The following KMO variants were observed in gnomAD, a reference collection of about 807,000 sequenced individuals.
KMO encodes the protein kynurenine 3-hydroxylase.
A neutral mutation model predicts 57.8 loss-of-function variants in KMO; 24 were observed. That is an observed-to-expected ratio of 0.42 (90% CI 0.30 to 0.58). KMO has a LOEUF of 0.58. Ranked by LOEUF, KMO falls within the 20% of genes least tolerant of loss-of-function variation. The probability of loss-of-function intolerance (pLI) is 0.22; values close to 1 mark genes in which losing one functional copy is unlikely to be tolerated. For missense variants in KMO, 483 were observed against 588.2 expected (o/e 0.82, Z 1.85); for synonymous variants, 210 against 193.6 (o/e 1.08, Z -0.70).
intron 3 of KMO, among the ~76,000 whole-genome samples, chr1:241,550,718 T>C (rs1010933464): frequency 6.6e-6 from 1 of 152,128 alleles, no homozygotes; most frequent in Non-Finnish European, 1.5e-5. Context: ...GATATTCGAT[T>C]TAGATCAGAT....
intron 10 of KMO, among the ~76,000 whole-genome samples, chr1:241,572,069 G>T (rs1424399083): frequency 6.6e-6 from 1 of 151,844 alleles, no homozygotes; most frequent in Admixed American, 6.6e-5. Context: ...GTTTCACCAT[G>T]TTGGCCAGGA....
chr1:241,549,237 GA>G (rs1661285348), intron 2 of KMO, among the ~76,000 whole-genome samples: 1 of 15,326 alleles, frequency 6.5e-5, no homozygotes, highest in African/African-American at 1.1e-4. Context: ...AAGAAAGAAA[GA>G]AAGAAAGAAA....
Position 241,562,346 on chromosome 1 carries a change from C to CT in KMO, c.615+19dup. ...AAGAACGGAGATGTAAGTCCTTGCC[C>CT]TTTTTCAACCCCTTCCCACAACCCT... On this transcript the variant is annotated intron_variant, in intron 7 of 14. Transcript: ENST00000366559. 1.9e-6 allele frequency: 3 copies of CT among 1,612,966 alleles called. No individual in the cohort carries two copies. The South Asian group carries it at 3.3e-5, about 18-fold the overall frequency.
In KMO at chr1:241,594,971, C is replaced by G; in HGVS notation, c.*2818C>G. ...CACACACTTTCTATGAGGGCAGGTA[C>G]AACTATTAAGAGATTTTGAACATTA... is the stretch of plus-strand genomic sequence containing the variant. On this transcript the variant is annotated 3_prime_UTR_variant, in exon 15 of 15. Transcript: ENST00000366559. 3.0e-6 allele frequency: 1 copy of G among 330,196 alleles called. No individual in the cohort carries two copies. The highest frequency in any genetic ancestry group is 5.7e-5 in the East Asian group (1 of 17,478). 20.5% of individuals were successfully genotyped at this position (330,196 alleles called of 1,614,324 possible).
intron 1 of KMO, among the ~76,000 whole-genome samples, chr1:241,541,460 T>C (rs1003298096): frequency 6.6e-6 from 1 of 152,178 alleles, no homozygotes; most frequent in Admixed American, 6.6e-5. Context: ...TTTAGCTATG[T>C]TGAGAGGGAG....
At chr1:241,547,657 C>G (rs1661199673) in intron 1 of KMO, among the ~76,000 whole-genome samples, 1 of 151,736 alleles carries the variant, frequency 6.6e-6, no homozygotes, top group Non-Finnish European at 1.5e-5. Context: ...TCCTCTCCAA[C>G]TTACCAGCTC....
chr1:241,555,758 T>G, intron 5 of KMO, 98 bp downstream of exon 5: 2 of 753,016 alleles, frequency 2.7e-6, no homozygotes, highest in South Asian at 3.2e-5. Context: ...TGCTCCTTTT[T>G]ATGGGTTATG....
At chr1:241,544,505 T>C (rs1417004109) in intron 1 of KMO, among the ~76,000 whole-genome samples, 3 of 152,260 alleles carry the variant, frequency 2.0e-5, no homozygotes, top group East Asian at 3.9e-4. Flanking sequence ...CAGGCCCTTC[T>C]AGATTTAAGA....
intron 4 of KMO, among the ~76,000 whole-genome samples, chr1:241,553,496 G>A (rs2147952633): frequency 6.6e-6 from 1 of 152,274 alleles, no homozygotes; most frequent in South Asian, 2.1e-4. Context: ...AAACCAGCCT[G>A]GGCAACATGG....
At chr1:241,554,281 T>TCCTC (rs1661524148) in intron 4 of KMO, among the ~76,000 whole-genome samples, 1 of 145,012 alleles carries the variant, frequency 6.9e-6, no homozygotes, top group Non-Finnish European at 1.5e-5. Context: ...CTTCCTTCCT[T>TCCTC]CCTCCCTTCT....
intron 1 of KMO, chr1:241,536,587 C>T (rs1660761803): frequency 1.1e-5 from 8 of 734,422 alleles, no homozygotes; most frequent in Non-Finnish European, 1.2e-5. Flanking sequence ...TTAAGCATTC[C>T]AGTCTCAGCT....
At chr1:241,589,045 CT>C (rs1663140266) in intron 12 of KMO, among the ~76,000 whole-genome samples, 1 of 152,186 alleles carries the variant, frequency 6.6e-6, no homozygotes, top group Non-Finnish European at 1.5e-5. Flanking sequence ...TCTATCTACA[CT>C]TTAAGGACGT....
chr1:241,542,294 G>A (rs962592616), intron 1 of KMO, among the ~76,000 whole-genome samples: 1 of 152,130 alleles, frequency 6.6e-6, no homozygotes. Context: ...TTTATAGAAA[G>A]GAAATATTCA....
intron 4 of KMO, among the ~76,000 whole-genome samples, chr1:241,554,023 G>T (rs1661509054): frequency 6.6e-6 from 1 of 152,108 alleles, no homozygotes; most frequent in Non-Finnish European, 1.5e-5. Context: ...ATGCTTTAAA[G>T]TTTTAAAGAA....
intron 10 of KMO, among the ~76,000 whole-genome samples, chr1:241,576,079 C>T (rs906317613): frequency 4.0e-5 from 6 of 150,638 alleles, no homozygotes; most frequent in Non-Finnish European, 8.9e-5. Flanking sequence ...ATAATAGCTA[C>T]CCCTGCTTGC....
chr1:241,552,211 T>G (rs1016349084), intron 4 of KMO, among the ~76,000 whole-genome samples: 2 of 151,760 alleles, frequency 1.3e-5, no homozygotes, highest in Non-Finnish European at 2.9e-5. Context: ...AGAGCGTGCA[T>G]ACATTCCCCA....
At chr1:241,536,811 T>C (rs544550922) in intron 1 of KMO, among the ~76,000 whole-genome samples, 2 of 152,302 alleles carry the variant, frequency 1.3e-5, no homozygotes, top group African/African-American at 4.8e-5. Context: ...TTTTGACTTA[T>C]TGTTGATAAT....
chr1:241,587,724 G>A (rs886908377), intron 11 of KMO, among the ~76,000 whole-genome samples: 5 of 151,500 alleles, frequency 3.3e-5, no homozygotes, highest in African/African-American at 7.3e-5. Flanking sequence ...GATTATAGGC[G>A]TGAGCCACCA....
At chr1:241,533,572 T>C (rs145639519) in intron 1 of KMO, among the ~76,000 whole-genome samples, 1 of 152,322 alleles carries the variant, frequency 6.6e-6, no homozygotes, top group African/African-American at 2.4e-5. Context: ...CACTGCTTCA[T>C]ACTAGGCTTG....
Sources: allele counts gnomAD v4.1 joint callset (sites outside exome capture counted in the v4.1 genomes callset), GRCh38; gene constraint gnomAD v4.1.1; transcripts MANE v1.5; gene names NCBI Gene and HGNC (gene_info 2026-07-23, HGNC 2026-07-21).